Variants in GREM2 observed in about 807,000 individuals in gnomAD.
GREM2 encodes the protein gremlin 2, DAN family BMP antagonist, also known as gremlin-2.
Under a neutral mutation model 14.2 loss-of-function variants are expected in GREM2, and 11 were observed. The observed-to-expected ratio is 0.78, with a 90% CI of 0.49 to 1.28. The LOEUF (loss-of-function observed/expected upper bound fraction) is 1.28. Among genes scored for constraint, GREM2 ranks in the 50% most tolerant of loss-of-function variants. The pLI is 0.00. For synonymous variants in GREM2, 98 were observed against 97.6 expected (o/e 1.00, Z -0.02); for missense variants, 210 against 218.5 (o/e 0.96, Z 0.24).
At chr1:240,576,845 C>T (rs909402766) in intron 1 of GREM2, among the ~76,000 whole-genome samples, 1 of 152,126 alleles carries the variant, frequency 6.6e-6, no homozygotes, top group African/African-American at 2.4e-5. Context: ...CTGCCAGTTC[C>T]TTTTGCATTC....
chr1:240,521,325 T>C lies in GREM2; in HGVS notation c.-1-27849A>G, dbSNP rs183594023. Among the ~76,000 whole-genome samples, 148 of 152,200 alleles carry C rather than the reference T, an allele frequency of 9.7e-4. 3 individuals carry two copies. Among genetic ancestry groups the C allele is most frequent in the Admixed American group, 7.1e-3 (108 of 15,288 alleles). ...GGCTCACGCCTGTAATCCCAGCACT[T>C]TAGCAGGCCGAAGTGGGCGGATCAC... On this transcript the variant is annotated intron_variant, in intron 1 of 1. Coordinates refer to ENST00000318160, the MANE Select transcript of GREM2 (RefSeq NM_022469.4).
chr1:240,603,128 C>T (rs911760590), intron 1 of GREM2, among the ~76,000 whole-genome samples: 5 of 152,162 alleles, frequency 3.3e-5, no homozygotes, highest in Admixed American at 1.3e-4. Context: ...GAATGCGGTG[C>T]GGTGCGGAGC....
chr1:240,526,869 C>A (rs1427528733), intron 1 of GREM2, among the ~76,000 whole-genome samples: 1 of 152,172 alleles, frequency 6.6e-6, no homozygotes, highest in Non-Finnish European at 1.5e-5. Context: ...CTTTTCTGAG[C>A]ATATGAAGAG....
At chr1:240,580,015 C>T (rs1450937617) in intron 1 of GREM2, among the ~76,000 whole-genome samples, 2 of 152,118 alleles carry the variant, frequency 1.3e-5, no homozygotes, top group African/African-American at 4.8e-5. Flanking sequence ...GATATGCACA[C>T]AAATCTAAAA....
chr1:240,600,204 G>A (rs560203499), intron 1 of GREM2, among the ~76,000 whole-genome samples: 16 of 127,894 alleles, frequency 1.3e-4, no homozygotes, highest in African/African-American at 4.4e-4. Flanking sequence ...TTGGGCTATC[G>A]CTTCCTTATG....
intron 1 of GREM2, among the ~76,000 whole-genome samples, chr1:240,562,599 T>A (rs957833585): frequency 6.6e-6 from 1 of 152,182 alleles, no homozygotes; most frequent in Non-Finnish European, 1.5e-5. Context: ...AGAAACACCA[T>A]CTTGGAGAAT....
At chr1:240,506,842 G>T (rs1282191752) in intron 1 of GREM2, among the ~76,000 whole-genome samples, 1 of 152,216 alleles carries the variant, frequency 6.6e-6, no homozygotes, top group East Asian at 1.9e-4. Flanking sequence ...CTAGGGAATT[G>T]GCTGTTTGAG....
intron 1 of GREM2, among the ~76,000 whole-genome samples, chr1:240,547,315 A>G (rs375789573): frequency 2.0e-4 from 30 of 151,946 alleles, no homozygotes; most frequent in African/African-American, 7.0e-4. Context: ...CCTGGCTAAC[A>G]CTGCGAAACC....
At chr1:240,511,403 G>C (rs1360452454) in intron 1 of GREM2, among the ~76,000 whole-genome samples, 15 of 152,196 alleles carry the variant, frequency 9.9e-5, no homozygotes, top group Admixed American at 9.8e-4. Flanking sequence ...GAGTACACGA[G>C]AGAATATCCA....
At chr1:240,569,128 A>G (rs1679216326) in intron 1 of GREM2, among the ~76,000 whole-genome samples, 1 of 152,206 alleles carries the variant, frequency 6.6e-6, no homozygotes, top group Non-Finnish European at 1.5e-5. Context: ...TTGGAAGAAA[A>G]CTAGAAAACT....
At chr1:240,590,961 T>C (rs907092035) in intron 1 of GREM2, among the ~76,000 whole-genome samples, 1 of 151,722 alleles carries the variant, frequency 6.6e-6, no homozygotes, top group Non-Finnish European at 1.5e-5. Context: ...TTTGTATTTT[T>C]AGTAGAGAAG....
At chr1:240,522,311 C>T (rs1678119978) in intron 1 of GREM2, among the ~76,000 whole-genome samples, 1 of 152,130 alleles carries the variant, frequency 6.6e-6, no homozygotes, top group South Asian at 2.1e-4. Flanking sequence ...TGGGCAAAGT[C>T]CTCCCCTGAC....
intron 1 of GREM2, among the ~76,000 whole-genome samples, chr1:240,607,610 T>A (rs1370729156): frequency 1.3e-5 from 2 of 152,238 alleles, no homozygotes; most frequent in African/African-American, 4.8e-5. Flanking sequence ...CTCCAGACAC[T>A]GAGCACGCTC....
At chr1:240,548,259 A>G (rs759475344) in intron 1 of GREM2, among the ~76,000 whole-genome samples, 18 of 152,102 alleles carry the variant, frequency 1.2e-4, no homozygotes, top group Non-Finnish European at 2.2e-4. Context: ...TGGGCTATAG[A>G]GTGAGACTCT....
chr1:240,608,957 A>G (rs1395758729), intron 1 of GREM2, among the ~76,000 whole-genome samples: 1 of 152,176 alleles, frequency 6.6e-6, no homozygotes, highest in Non-Finnish European at 1.5e-5. Context: ...GGAGTGTTAC[A>G]GTACATCAAA....
chr1:240,583,486 T>C (rs1327710013), intron 1 of GREM2, among the ~76,000 whole-genome samples: 4 of 152,242 alleles, frequency 2.6e-5, no homozygotes, highest in Admixed American at 6.5e-5. Context: ...TTCAGCCAGC[T>C]GGACTTGTCT....
Position 240,608,355 on chromosome 1 carries a change from T to G in GREM2, c.-2+3529A>C, listed in dbSNP as rs377163620. ...AGGCAGAGAAATCTCATTACAGAGC[T>G]GCTGGATTTTTATTAACTCTAAGTA... On this transcript the variant is annotated intron_variant, in intron 1 of 1. Transcript: ENST00000318160. 2.6e-4 allele frequency among the ~76,000 whole-genome samples: 40 copies of G among 152,348 alleles called. 1 individual carries two copies. The South Asian group carries it at 8.1e-3, about 31-fold the overall frequency.
chr1:240,539,532 G>T (rs12239306), intron 1 of GREM2, among the ~76,000 whole-genome samples: 5,705 of 152,192 alleles, frequency 0.037, 190 homozygotes, highest in African/African-American at 0.094. Flanking sequence ...AGAACATCAG[G>T]CTTCTTAACA....
intron 1 of GREM2, among the ~76,000 whole-genome samples, chr1:240,607,001 G>A (rs1680038827): frequency 6.6e-6 from 1 of 152,146 alleles, no homozygotes; most frequent in Non-Finnish European, 1.5e-5. Context: ...TCTACAGCAT[G>A]CTTGACTGTG....
Sources: gnomAD v4.1 joint callset for allele counts (sites outside exome capture counted in the v4.1 genomes callset) on GRCh38, gnomAD v4.1.1 for gene constraint, MANE v1.5 for transcripts, NCBI Gene and HGNC (gene_info 2026-07-23, HGNC 2026-07-21) for gene names.